Variants in HERC1 observed in about 807,000 individuals in gnomAD.
HERC1 encodes HECT and RLD domain containing E3 ubiquitin protein ligase family member 1, also known as probable E3 ubiquitin-protein ligase HERC1.
HERC1 carries 160 observed loss-of-function variants against 554.3 expected under a neutral mutation model. That is an observed-to-expected ratio of 0.29 (90% CI 0.25 to 0.33). The LOEUF is 0.33. Ranked by LOEUF, HERC1 falls within the 10% of genes least tolerant of loss-of-function variation. The pLI, the probability that HERC1 is intolerant of heterozygous loss-of-function variation, is 1.00. For missense variants in HERC1, 4,919 were observed against 5,918.5 expected, an observed-to-expected ratio of 0.83 and a Z score of 5.54; for synonymous variants, 2,175 against 2,131.7, an observed-to-expected ratio of 1.02 and a Z score of -0.56.
At chr15:63,659,122 T>C (rs1339736005) in intron 47 of HERC1, among the ~76,000 whole-genome samples, 1 of 152,126 alleles carries the variant, frequency 6.6e-6, no homozygotes. Context: ...CTCACCCAAA[T>C]AAAAAGAAGA....
chr15:63,816,764 T>G, intron 1 of HERC1, among the ~76,000 whole-genome samples: 1 of 152,084 alleles, frequency 6.6e-6, no homozygotes, highest in South Asian at 2.1e-4. Flanking sequence ...AACATACAAC[T>G]TACAGGGTTG....
chr15:63,738,404 A>G (rs2074637662), intron 12 of HERC1, among the ~76,000 whole-genome samples: 1 of 152,238 alleles, frequency 6.6e-6, no homozygotes, highest in African/African-American at 2.4e-5. Flanking sequence ...TAAGATGTTT[A>G]CTTAATAGTA....
At chr15:63,704,545 A>G (rs1162183167) in intron 25 of HERC1, among the ~76,000 whole-genome samples, 4 of 152,200 alleles carry the variant, frequency 2.6e-5, no homozygotes, top group African/African-American at 9.6e-5. Context: ...ATTTATTAAT[A>G]TAACATACAA....
At chr15:63,648,312 T>G in intron 54 of HERC1, 113 bp from the exon 55 acceptor site, 1 of 1,047,512 alleles carries the variant, frequency 9.5e-7, no homozygotes, top group Non-Finnish European at 1.4e-6. Context: ...CAAGTAAATT[T>G]CCAAATAGCT....
rs1412963434 is a variant in HERC1 at position 63,636,066 on chromosome 15, G to C, written c.12309C>G (p.Val4103=). The change falls in exon 65 of 78, where the codon GTC becomes GTG. Residue 4103 remains valine, a synonymous_variant. Transcript: ENST00000443617. The part of the protein sequence containing the change: ...HSMALTESGE[V]FSWGDGDYGK... ...CATAGTCACCATCTCCCCAGCTAAA[G>C]ACCTCACCACTTTCAGTTAGGGCCA... 1.9e-6 allele frequency: 3 copies of C among 1,613,720 alleles called. No homozygotes were observed. The highest frequency in any genetic ancestry group is 1.3e-5 in the African/African-American group (1 of 74,944).
rs531141038 is a variant in HERC1, at chr15:63,729,482, C to CA, written c.3021+14dup. 1.5e-4 allele frequency: 236 copies of CA among 1,609,812 alleles called. No individual in the cohort carries two copies. In the South Asian group the frequency reaches 2.4e-3, roughly 16 times the overall value. ...GTCCCTGATAGATCACCATAAAAGA[C>CA]AAATAATCGCATACCTCACTAATGT... On this transcript the variant is annotated intron_variant, in intron 15 of 77. Transcript: ENST00000443617.
chr15:63,734,236 T>C lies in HERC1; in HGVS notation c.2646+488A>G, dbSNP rs1238200460. ...ACTGCAAATAAGTACCAATTTTTTT[T>C]CCTCAAATCTGTATCTCTGAATCTG... On this transcript the variant is annotated intron_variant, in intron 13 of 77. Coordinates refer to ENST00000443617, the MANE Select transcript of HERC1 (RefSeq NM_003922.4). This position sits in a 1 kb window ranked among gnomAD's most constrained non-coding sequence, Gnocchi z 4.6. Among the ~76,000 whole-genome samples, 1 of 152,210 alleles carries C rather than the reference T, an allele frequency of 6.6e-6. No individual in the cohort carries two copies. The highest frequency in any genetic ancestry group is 2.4e-5 in the African/African-American group (1 of 41,454).
At chr15:63,676,929 C>G (rs1673940812) in intron 37 of HERC1, among the ~76,000 whole-genome samples, 1 of 152,154 alleles carries the variant, frequency 6.6e-6, no homozygotes, top group Non-Finnish European at 1.5e-5. Context: ...ACAAATGAGT[C>G]TACTTATCAA....
intron 67 of HERC1, 116 bp downstream of exon 67, chr15:63,633,732 T>C: frequency 1.8e-6 from 2 of 1,112,108 alleles, no homozygotes; most frequent in South Asian, 3.6e-5. Context: ...GCTTCTAAAC[T>C]TCATTATGAA....
chr15:63,743,441 T>C (rs1382900647), intron 12 of HERC1, among the ~76,000 whole-genome samples: 2 of 151,906 alleles, frequency 1.3e-5, no homozygotes, highest in Non-Finnish European at 2.9e-5. Flanking sequence ...TTTTTTGTAT[T>C]TTTAGTAGAG....
intron 51 of HERC1, among the ~76,000 whole-genome samples, chr15:63,653,851 C>T (rs2069848406): frequency 6.6e-6 from 1 of 152,168 alleles, no homozygotes; most frequent in Non-Finnish European, 1.5e-5. Flanking sequence ...ATGCATAAGT[C>T]TTCATCTTTT....
At chr15:63,770,950 A>G (rs920888627) in intron 2 of HERC1, among the ~76,000 whole-genome samples, 1 of 152,220 alleles carries the variant, frequency 6.6e-6, no homozygotes, top group Non-Finnish European at 1.5e-5. Context: ...GCACTGTGGG[A>G]GGCCGAGGCA....
chr15:63,760,435 CAAA>C (rs34164820), intron 3 of HERC1, among the ~76,000 whole-genome samples: 1 of 91,422 alleles, frequency 1.1e-5, no homozygotes. Flanking sequence ...AGACACCATC[CAAA>C]AAAAAAAAAA....
chr15:63,800,959 TAG>T (rs1355363496), intron 1 of HERC1, among the ~76,000 whole-genome samples: 2 of 152,076 alleles, frequency 1.3e-5, no homozygotes, highest in African/African-American at 2.4e-5. Context: ...GGGGTGGAGA[TAG>T]AGTTAATCAC....
At chr15:63,670,214 A>G (rs1283586535) in intron 39 of HERC1, among the ~76,000 whole-genome samples, 3 of 152,368 alleles carry the variant, frequency 2.0e-5, no homozygotes, top group Middle Eastern at 6.8e-3. Context: ...GCAAAACAGT[A>G]CATGAATGAT....
In HERC1 at chr15:63,758,311, G is replaced by C; in HGVS notation, c.1085C>G (p.Thr362Ser). 6.2e-7 allele frequency: 1 copy of C among 1,613,044 alleles called. No homozygotes were observed. The highest frequency in any genetic ancestry group is 1.1e-5 in the South Asian group (1 of 91,040). ...TTCGGAGACAATGGGAGCATCACCAGTCTGAATGCTATCTGGGCTAGCACA... is the reference window on the plus strand; with the variant it reads ...TTCGGAGACAATGGGAGCATCACCACTCTGAATGCTATCTGGGCTAGCACA... ...RTCASPDSIQ[T>S]GDAPIVSETC... The change falls in exon 4 of 78, where the codon ACT becomes AGT. Residue 362 changes from threonine (T) to serine (S), a missense_variant. By Grantham distance (58) the Thr-to-Ser change is moderately conservative. Coordinates refer to ENST00000443617, the MANE Select transcript of HERC1 (RefSeq NM_003922.4). This position sits in a 1 kb window ranked among gnomAD's most constrained non-coding sequence, Gnocchi z 4.0.
chr15:63,674,770 G>C lies in HERC1; in HGVS notation c.7418C>G (p.Pro2473Arg). Residue 2473 changes from proline (P) to arginine (R), a missense_variant, in exon 38 of 78, where the codon CCA becomes CGA. Physicochemically the swap from Pro to Arg is moderately radical, Grantham distance 103. Transcript: ENST00000443617. ...IASFSLDPTL[P>R]SVESQHQITE... ...TATTTGATGTTGGGATTCCACACTT[G>C]GCAGTGTTGGATCTAAAGAAAATGA... 2 of 1,613,856 alleles carry C rather than the reference G, an allele frequency of 1.2e-6. No individual in the cohort carries two copies. Among genetic ancestry groups the C allele is most frequent in the Non-Finnish European group, 1.7e-6 (2 of 1,179,834 alleles).
chr15:63,738,902 T>A (rs532698572), intron 12 of HERC1, among the ~76,000 whole-genome samples: 1 of 152,280 alleles, frequency 6.6e-6, no homozygotes, highest in Admixed American at 6.5e-5. Flanking sequence ...TATTAAATCA[T>A]CACAGTTCCT....
intron 1 of HERC1, among the ~76,000 whole-genome samples, chr15:63,808,055 C>T (rs1164789144): frequency 6.6e-6 from 1 of 150,774 alleles, no homozygotes; most frequent in East Asian, 1.9e-4. Context: ...GTAACATCAG[C>T]TATTTTAAGT....
Sources: allele counts gnomAD v4.1 joint callset (sites outside exome capture counted in the v4.1 genomes callset), GRCh38; gene constraint gnomAD v4.1.1; non-coding constraint Gnocchi (gnomAD v3.1); transcripts MANE v1.5; gene names NCBI Gene and HGNC (gene_info 2026-07-23, HGNC 2026-07-21).